GRIN2B: variants seen among roughly 807,000 people sequenced by gnomAD.
GRIN2B encodes the protein glutamate ionotropic receptor NMDA type subunit 2B.
Under a neutral mutation model 114.5 loss-of-function variants are expected in GRIN2B, and 5 were observed. The observed-to-expected ratio is 0.04, with a 90% CI of 0.02 to 0.09. The LOEUF is 0.09. Ranked by LOEUF, GRIN2B falls within the 10% of genes least tolerant of loss-of-function variation. GRIN2B has a pLI of 1.00. For missense variants in GRIN2B, 1,108 were observed against 1,943.5 expected (o/e 0.57, Z 8.08); for synonymous variants, 787 against 745.1 (o/e 1.06, Z -0.92).
At chr12:13,639,605 G>A (rs1347090251) in intron 5 of GRIN2B, among the ~76,000 whole-genome samples, 1 of 151,958 alleles carries the variant, frequency 6.6e-6, no homozygotes, top group African/African-American at 2.4e-5. Context: ...TTCTCAACAG[G>A]ACCCAGTACT....
In GRIN2B at chr12:13,546,841, G is replaced by C. The variant is rs887009019; in HGVS notation, c.*15942C>G. 6.6e-6 allele frequency: 1 copy of C among 152,092 alleles called. No individual in the cohort carries two copies. Among genetic ancestry groups the C allele is most frequent in the Non-Finnish European group, 1.5e-5 (1 of 68,040 alleles). 9.4% of individuals were successfully genotyped at this position (152,092 alleles called of 1,614,324 possible). On this transcript the variant is annotated 3_prime_UTR_variant, in exon 14 of 14. Coordinates refer to ENST00000609686, the MANE Select transcript of GRIN2B (RefSeq NM_000834.5). ...AATTTAAAAAGAGAGAACAAGAAAA[G>C]CCACAAAATACCTCCACATACACAA... is the stretch of plus-strand genomic sequence containing the variant.
chr12:13,808,144 G>T (rs1047296267), intron 3 of GRIN2B, among the ~76,000 whole-genome samples: 1 of 152,000 alleles, frequency 6.6e-6, no homozygotes, highest in Admixed American at 6.5e-5. Flanking sequence ...TGGGGGTGGG[G>T]GACAATAGCG....
intron 2 of GRIN2B, among the ~76,000 whole-genome samples, chr12:13,892,565 ACTAAACTCCCATTGTCT>A (rs1866282211): frequency 6.6e-6 from 1 of 152,160 alleles, no homozygotes. Flanking sequence ...CCAGAATGAA[ACTAAACTCCCATTGTCT>A]CTAATCTCCA....
chr12:13,584,573 T>C (rs1372175684), intron 10 of GRIN2B, among the ~76,000 whole-genome samples: 2 of 152,250 alleles, frequency 1.3e-5, no homozygotes, highest in Non-Finnish European at 2.9e-5. Context: ...AGGGCAAGCC[T>C]AGCATCTCTG....
chr12:13,594,860 C>T (rs936889285), intron 10 of GRIN2B, among the ~76,000 whole-genome samples: 1 of 152,068 alleles, frequency 6.6e-6, no homozygotes, highest in Non-Finnish European at 1.5e-5. Flanking sequence ...AGACTTTCTT[C>T]AAAAGGAGCT....
At chr12:13,699,708 C>T (rs1565505038) in intron 4 of GRIN2B, among the ~76,000 whole-genome samples, 2 of 151,944 alleles carry the variant, frequency 1.3e-5, no homozygotes, top group Non-Finnish European at 2.9e-5. Flanking sequence ...TCTGCTTCAG[C>T]CTCCCAAGTA....
chr12:13,777,797 C>T (rs1168038488), intron 3 of GRIN2B, among the ~76,000 whole-genome samples: 2 of 152,210 alleles, frequency 1.3e-5, no homozygotes, highest in African/African-American at 2.4e-5. Flanking sequence ...TACAGGTGCT[C>T]CTCCCTCTTC....
chr12:13,726,698 A>G (rs1862995753), intron 4 of GRIN2B, among the ~76,000 whole-genome samples: 1 of 150,932 alleles, frequency 6.6e-6, no homozygotes, highest in Admixed American at 6.6e-5. Flanking sequence ...TTTTTGGGGA[A>G]CACATGGTAT....
intron 3 of GRIN2B, among the ~76,000 whole-genome samples, chr12:13,859,540 C>A (rs1162674765): frequency 2.6e-5 from 4 of 152,144 alleles, no homozygotes; most frequent in African/African-American, 9.7e-5. Context: ...CCATCTTTCC[C>A]CAAAATATAG....
intron 2 of GRIN2B, among the ~76,000 whole-genome samples, chr12:13,943,590 T>A (rs1867304212): frequency 6.6e-6 from 1 of 152,198 alleles, no homozygotes; most frequent in Admixed American, 6.5e-5. Context: ...CATGGCCTCC[T>A]TGTTTTTCTT....
intron 13 of GRIN2B, among the ~76,000 whole-genome samples, chr12:13,565,957 G>A (rs750187776): frequency 9.9e-5 from 15 of 152,044 alleles, no homozygotes; most frequent in Non-Finnish European, 1.9e-4. Flanking sequence ...CATGTCAAAG[G>A]ATTATAAATG....
intron 4 of GRIN2B, among the ~76,000 whole-genome samples, chr12:13,748,459 G>T (rs767088777): frequency 5.3e-5 from 8 of 152,148 alleles, no homozygotes; most frequent in Non-Finnish European, 1.2e-4. Context: ...AAATGTAGAC[G>T]GGTGCCTCCT....
chr12:13,794,050 A>G, intron 3 of GRIN2B, among the ~76,000 whole-genome samples: 1 of 150,136 alleles, frequency 6.7e-6, no homozygotes, highest in East Asian at 1.9e-4. Context: ...AAAAAAAAAA[A>G]AAAAAAAAAA....
At chr12:13,722,229 G>C (rs1862895821) in intron 4 of GRIN2B, among the ~76,000 whole-genome samples, 1 of 152,030 alleles carries the variant, frequency 6.6e-6, no homozygotes, top group South Asian at 2.1e-4. Flanking sequence ...CAAGGAAATA[G>C]GCAAAAGCAG....
Position 13,562,016 on chromosome 12 carries a change from AC to A in GRIN2B, c.*766del, listed in dbSNP as rs1948551455. 1 of 152,626 alleles carries A rather than the reference AC, an allele frequency of 6.6e-6. No homozygotes were observed. The highest frequency in any genetic ancestry group is 6.5e-5 in the Admixed American group (1 of 15,286). 9.5% of individuals were successfully genotyped at this position (152,626 alleles called of 1,614,324 possible). ...AGGTTGCCTTCTCTTGAGGCACCTG[AC>A]TACACATGGGTGCAAGTGTGCATGA... On this transcript the variant is annotated 3_prime_UTR_variant, in exon 14 of 14. Transcript: ENST00000609686.
intron 3 of GRIN2B, among the ~76,000 whole-genome samples, chr12:13,774,456 A>T (rs140922811): frequency 4.0e-4 from 61 of 152,340 alleles, no homozygotes; most frequent in African/African-American, 1.4e-3. Flanking sequence ...GCAACTAGGA[A>T]TAATATGAAT....
intron 2 of GRIN2B, among the ~76,000 whole-genome samples, chr12:13,969,184 T>C (rs1867837483): frequency 6.6e-6 from 1 of 152,238 alleles, no homozygotes; most frequent in South Asian, 2.1e-4. Flanking sequence ...GGATCCATTT[T>C]TTCAGTTTAA....
rs117253895 is a variant in GRIN2B at position 13,550,772 on chromosome 12, C to T, written c.*12011G>A. On this transcript the variant is annotated 3_prime_UTR_variant, in exon 14 of 14. Transcript: ENST00000609686. ...TTGACTGTGCTAGACTGATTGGGCT[C>T]GAGTTTGGAAACATTAAGTACCATG... 22 of 152,240 alleles carry T rather than the reference C, an allele frequency of 1.4e-4. No individual in the cohort carries two copies. Among genetic ancestry groups the T allele is most frequent in the Non-Finnish European group, 2.2e-4 (15 of 68,016 alleles). The allele number at this position is 152,240 out of a possible 1,614,324, so 9.4% of individuals were successfully genotyped here.
At chr12:13,781,698 A>T (rs1864117640) in intron 3 of GRIN2B, among the ~76,000 whole-genome samples, 1 of 152,200 alleles carries the variant, frequency 6.6e-6, no homozygotes, top group African/African-American at 2.4e-5. Context: ...ATATGACCCT[A>T]AAAATGCCAA....
Sources: gnomAD v4.1 joint callset for allele counts (sites outside exome capture counted in the v4.1 genomes callset) on GRCh38, gnomAD v4.1.1 for gene constraint, MANE v1.5 for transcripts, NCBI Gene and HGNC (gene_info 2026-07-23, HGNC 2026-07-21) for gene names.